ADAMTS2: variants seen among roughly 807,000 people sequenced by gnomAD.
The protein encoded by ADAMTS2 is A disintegrin and metalloproteinase with thrombospondin motifs 2.
In ADAMTS2, 50 loss-of-function variants were observed where a neutral mutation model predicts 123.0. The ratio of observed to expected loss-of-function variants is 0.41; its 90% confidence interval spans 0.32 to 0.51. ADAMTS2 has a LOEUF of 0.51. ADAMTS2 is among the 20% of genes least tolerant of loss of function. ADAMTS2 has a pLI of 0.35. For missense variants in ADAMTS2, 1,494 were observed against 1,705.2 expected (o/e 0.88, Z 2.18); for synonymous variants, 678 against 695.4 (o/e 0.98, Z 0.39).
intron 3 of ADAMTS2, among the ~76,000 whole-genome samples, chr5:179,250,627 C>A (rs1765897698): frequency 6.6e-6 from 1 of 152,232 alleles, no homozygotes; most frequent in Non-Finnish European, 1.5e-5. Context: ...CAGCCCAGGC[C>A]CCAGGCAACC....
At chr5:179,318,694 G>T (rs546847063) in intron 2 of ADAMTS2, among the ~76,000 whole-genome samples, 2 of 152,252 alleles carry the variant, frequency 1.3e-5, no homozygotes, top group South Asian at 4.2e-4. Context: ...ACCAGGGCAG[G>T]TGGGGCAATG....
At chr5:179,207,755 C>A (rs562021310) in intron 3 of ADAMTS2, 40 bp from the exon 4 acceptor site, 3 of 1,588,278 alleles carry the variant, frequency 1.9e-6, no homozygotes, top group Admixed American at 1.7e-5. Flanking sequence ...CAGGGCAAAC[C>A]CACCCGGACA....
chr5:179,265,621 C>T (rs1766347927), intron 3 of ADAMTS2, among the ~76,000 whole-genome samples: 1 of 152,224 alleles, frequency 6.6e-6, no homozygotes, highest in East Asian at 1.9e-4. Context: ...GCTGGCCCCT[C>T]CTGCTCTCCC....
intron 2 of ADAMTS2, among the ~76,000 whole-genome samples, chr5:179,289,422 G>A (rs1213295267): frequency 6.6e-6 from 1 of 152,162 alleles, no homozygotes; most frequent in Non-Finnish European, 1.5e-5. Flanking sequence ...AAGAAATGAT[G>A]AGATAGAAAA....
At chr5:179,192,814 C>G (rs985265511) in intron 4 of ADAMTS2, among the ~76,000 whole-genome samples, 3 of 152,212 alleles carry the variant, frequency 2.0e-5, no homozygotes, top group Admixed American at 2.0e-4. Context: ...CTGGCACCAT[C>G]GTGATCTCCA....
intron 2 of ADAMTS2, among the ~76,000 whole-genome samples, chr5:179,280,807 G>C (rs1480375153): frequency 6.6e-6 from 1 of 152,200 alleles, no homozygotes; most frequent in Non-Finnish European, 1.5e-5. Context: ...CAACCAGAGA[G>C]TTTAAAATGC....
chr5:179,202,701 A>G lies in ADAMTS2; in HGVS notation c.891+4812T>C, dbSNP rs1267838056. 6.6e-6 allele frequency among the ~76,000 whole-genome samples: 1 copy of G among 151,528 alleles called. No individual in the cohort carries two copies. The highest frequency in any genetic ancestry group is 2.4e-5 in the African/African-American group (1 of 41,280). On this transcript the variant is annotated intron_variant, in intron 4 of 21. Transcript: ENST00000251582. This position sits in a 1 kb window ranked among gnomAD's most constrained non-coding sequence, Gnocchi z 4.0. ...ATCCACCCCATCTCAGCAGCTGAACACAATACACCGCACACCGTGTTTCCT... is the reference window on the plus strand; with the variant it reads ...ATCCACCCCATCTCAGCAGCTGAACGCAATACACCGCACACCGTGTTTCCT...
chr5:179,343,426 A>C (rs990590372), intron 2 of ADAMTS2, among the ~76,000 whole-genome samples: 3 of 152,244 alleles, frequency 2.0e-5, no homozygotes, highest in Non-Finnish European at 2.9e-5. Context: ...ACACATGTGC[A>C]CACACTCACA....
chr5:179,163,082 A>G (rs138907713), intron 5 of ADAMTS2, among the ~76,000 whole-genome samples: 1 of 152,270 alleles, frequency 6.6e-6, no homozygotes, highest in Non-Finnish European at 1.5e-5. Context: ...AGTGTGTAGG[A>G]CAGAGCTGCG....
intron 5 of ADAMTS2, among the ~76,000 whole-genome samples, chr5:179,160,180 C>T (rs777834058): frequency 1.3e-5 from 2 of 152,166 alleles, no homozygotes; most frequent in Admixed American, 1.3e-4. Context: ...AAAAGTTGGC[C>T]GTGCGCGGTG....
intron 18 of ADAMTS2, 99 bp from the exon 19 acceptor site, chr5:179,125,279 G>A (rs1374648802): frequency 9.3e-6 from 10 of 1,075,266 alleles, no homozygotes; most frequent in South Asian, 5.1e-5. Context: ...GGTAGACAGC[G>A]AGCACAGAGG....
At chr5:179,259,770 T>C (rs1766166906) in intron 3 of ADAMTS2, among the ~76,000 whole-genome samples, 1 of 152,200 alleles carries the variant, frequency 6.6e-6, no homozygotes, top group African/African-American at 2.4e-5. Context: ...TGCTGGTGCT[T>C]GGGCCTGGAA....
rs545712436 is a variant in ADAMTS2, at chr5:179,163,175, G to A, written c.976-4296C>T. ...GTGGGCTTGTGGGGAGTACCGGGAG[G>A]ATGCTAGAAACCCAAGCGCCTACAG... On this transcript the variant is annotated intron_variant, in intron 5 of 21. Transcript: ENST00000251582. Among the ~76,000 whole-genome samples the A allele has an allele frequency of 1.2e-3, 177 of 152,288 alleles. 1 individual carries two copies. The highest frequency in any genetic ancestry group is 4.1e-3 in the African/African-American group (170 of 41,560).
chr5:179,212,705 G>A (rs111777226), intron 3 of ADAMTS2, among the ~76,000 whole-genome samples: 3 of 115,880 alleles, frequency 2.6e-5, no homozygotes, highest in Admixed American at 8.9e-5. Flanking sequence ...GGGTGCAGTG[G>A]GCAGGTGTGG....
At chr5:179,258,647 A>G (rs1346483417) in intron 3 of ADAMTS2, among the ~76,000 whole-genome samples, 2 of 152,182 alleles carry the variant, frequency 1.3e-5, no homozygotes, top group Non-Finnish European at 2.9e-5. Flanking sequence ...TGTGTCCAGA[A>G]TGATCTGGGA....
intron 5 of ADAMTS2, among the ~76,000 whole-genome samples, chr5:179,160,560 G>C (rs982994544): frequency 1.3e-5 from 2 of 152,252 alleles, no homozygotes; most frequent in African/African-American, 4.8e-5. Flanking sequence ...AGGGGTCCCA[G>C]TCAATGACTG....
chr5:179,226,355 C>T (rs1765285349), intron 3 of ADAMTS2, among the ~76,000 whole-genome samples: 1 of 151,762 alleles, frequency 6.6e-6, no homozygotes, highest in African/African-American at 2.4e-5. Context: ...CAACCACCGC[C>T]TCCCGGATTC....
chr5:179,163,118 G>C (rs901251168), intron 5 of ADAMTS2, among the ~76,000 whole-genome samples: 6 of 152,170 alleles, frequency 3.9e-5, no homozygotes, highest in Non-Finnish European at 8.8e-5. Flanking sequence ...AGGCAGGCTG[G>C]GGGTGTGCAG....
rs1764249787 is a variant in ADAMTS2, at chr5:179,189,465, A to T, written c.892-8310T>A. ...CAGGTTCATGCCATTCTCTTGCCTC[A>T]GCCTCCCGAGTAGCTGGGGCTACAG... On this transcript the variant is annotated intron_variant, in intron 4 of 21. Coordinates refer to ENST00000251582, the MANE Select transcript of ADAMTS2 (RefSeq NM_014244.5). This position sits in a 1 kb window ranked among gnomAD's most constrained non-coding sequence, Gnocchi z 4.2. 7.1e-6 allele frequency among the ~76,000 whole-genome samples: 1 copy of T among 140,806 alleles called. No individual in the cohort carries two copies. The highest frequency in any genetic ancestry group is 1.5e-5 in the Non-Finnish European group (1 of 66,340). The allele number at this position is 140,806 out of a possible 152,430, so 92.4% of individuals were successfully genotyped here.
Sources: gnomAD v4.1 joint callset for allele counts (sites outside exome capture counted in the v4.1 genomes callset) on GRCh38, gnomAD v4.1.1 for gene constraint, Gnocchi (gnomAD v3.1) non-coding constraint, MANE v1.5 for transcripts, NCBI Gene and HGNC (gene_info 2026-07-23, HGNC 2026-07-21) for gene names.